KBTBD8: variants seen among roughly 807,000 people sequenced by gnomAD.
KBTBD8 encodes the protein kelch repeat and BTB domain-containing protein 8.
KBTBD8 carries 31 observed loss-of-function variants against 53.5 expected under a neutral mutation model. That is an observed-to-expected ratio of 0.58 (90% CI 0.44 to 0.78). The LOEUF is 0.78. Ranked by LOEUF, KBTBD8 falls within the 30% of genes least tolerant of loss-of-function variation. The pLI is 0.00. For missense variants in KBTBD8, 642 were observed against 735.8 expected, an observed-to-expected ratio of 0.87 and a Z score of 1.48; for synonymous variants, 250 against 247.3, an observed-to-expected ratio of 1.01 and a Z score of -0.10.
In KBTBD8 at chr3:67,005,702, G is replaced by T. The variant is rs184273018; in HGVS notation, c.1342+1393G>T. 9.4e-4 allele frequency among the ~76,000 whole-genome samples: 141 copies of T among 149,368 alleles called. 1 individual carries two copies. Among genetic ancestry groups the T allele is most frequent in the Middle Eastern group, 3.4e-3 (1 of 290 alleles). Reference sequence around the variant, plus strand: ...TTTCTCTTTTTTTTTTTGAGGCAGGGTCTCACTCTGTCACCCAGGCTGGAG... The same window carrying T: ...TTTCTCTTTTTTTTTTTGAGGCAGGTTCTCACTCTGTCACCCAGGCTGGAG... On this transcript the variant is annotated intron_variant, in intron 3 of 3. Coordinates refer to ENST00000417314, the MANE Select transcript of KBTBD8 (RefSeq NM_032505.3).
In KBTBD8 at chr3:67,003,890, A is replaced by C; in HGVS notation, c.923A>C (p.Asp308Ala). Reference protein sequence around the residue: ...SGKKQTVPCLDIVTGRVFKLC... With the variant: ...SGKKQTVPCLAIVTGRVFKLC... ...AAGAAGCAAACAGTGCCTTGTCTAG[A>C]TATAGTCACAGGAAGGGTGTTTAAA... Residue 308 changes from aspartate to alanine, a missense_variant, in exon 3 of 4, where the codon GAT becomes GCT. Physicochemically the swap from Asp to Ala is moderately radical, Grantham distance 126. Transcript: ENST00000417314. 1.2e-6 allele frequency: 2 copies of C among 1,614,192 alleles called. No homozygotes were observed. The highest frequency in any genetic ancestry group is 1.7e-6 in the Non-Finnish European group (2 of 1,180,044).
chr3:66,998,681 G>T (rs1701985592), intron 1 of KBTBD8, among the ~76,000 whole-genome samples: 1 of 152,166 alleles, frequency 6.6e-6, no homozygotes, highest in African/African-American at 2.4e-5. Context: ...GCTCTCGGCG[G>T]AGTCCGCGCA....
chr3:67,004,426 A>T (rs919252745), intron 3 of KBTBD8, 117 bp downstream of exon 3: 1 of 944,844 alleles, frequency 1.1e-6, no homozygotes, highest in Non-Finnish European at 1.6e-6. Flanking sequence ...CAGCTTCCTT[A>T]TCAAACTATT....
In KBTBD8 at chr3:67,007,958, A is replaced by G; in HGVS notation, c.1379A>G (p.Tyr460Cys). The change falls in exon 4 of 4, where the codon TAC becomes TGC. Residue 460 changes from tyrosine to cysteine, a missense_variant. Coordinates refer to ENST00000417314, the MANE Select transcript of KBTBD8 (RefSeq NM_032505.3). ...FFLFYEPQKD[Y>C]WGFLTPMTVP... ...CTCTTCTATGAGCCTCAAAAAGACT[A>G]CTGGGGTTTCTTAACCCCCATGACT... The G allele has an allele frequency of 1.2e-6, 2 of 1,600,310 alleles. No homozygotes were observed. Among genetic ancestry groups the G allele is most frequent in the Non-Finnish European group, 1.7e-6 (2 of 1,174,404 alleles).
Position 67,007,919 on chromosome 3 carries a change from TA to T in KBTBD8, c.1343-2del. Reference sequence around the variant, plus strand: ...ATTCTTGTTTTCTTTTTTTTTTTTTTAGGAGAATTTTTTCTCTTCTATGAGC... The same window carrying T: ...ATTCTTGTTTTCTTTTTTTTTTTTTTGGAGAATTTTTTCTCTTCTATGAGC... On this transcript the variant is annotated splice_acceptor_variant, in intron 3 of 3. Coordinates refer to ENST00000417314, the MANE Select transcript of KBTBD8 (RefSeq NM_032505.3). LOFTEE classifies it high-confidence loss of function. The T allele has an allele frequency of 1.4e-6, 2 of 1,457,520 alleles. No homozygotes were observed. Among genetic ancestry groups the T allele is most frequent in the Non-Finnish European group, 1.8e-6 (2 of 1,086,176 alleles). The allele number at this position is 1,457,520 out of a possible 1,614,324, so 90.3% of individuals were successfully genotyped here.
chr3:67,006,474 TCTTTA>T (rs1285993777), intron 3 of KBTBD8, among the ~76,000 whole-genome samples: 1 of 152,246 alleles, frequency 6.6e-6, no homozygotes, highest in Non-Finnish European at 1.5e-5. Context: ...TGGTGTGTCG[TCTTTA>T]CTTTCTTATC....
At chr3:67,002,512 C>CTTTTTTT (rs57174511) in intron 2 of KBTBD8, among the ~76,000 whole-genome samples, 51 of 90,338 alleles carry the variant, frequency 5.6e-4, no homozygotes, top group East Asian at 1.7e-3. Flanking sequence ...TATAGGTATT[C>CTTTTTTT]TTTTTTTTTT....
rs1222634854 is a variant in KBTBD8 at position 67,008,013 on chromosome 3, A to G, written c.1434A>G (p.Val478=). 3.1e-6 allele frequency: 5 copies of G among 1,613,444 alleles called. No individual in the cohort carries two copies. Among genetic ancestry groups the G allele is most frequent in the Non-Finnish European group, 4.2e-6 (5 of 1,179,790 alleles). The change falls in exon 4 of 4, where the codon GTA becomes GTG. Residue 478 remains valine, a synonymous_variant. Coordinates refer to ENST00000417314, the MANE Select transcript of KBTBD8 (RefSeq NM_032505.3). ...CTAGAATCCAGGGCTTAGCAGCTGT[A>G]TACAAGGACTCTATCTACTACATAG... ...TVPRIQGLAA[V]YKDSIYYIAG...
At chr3:67,007,735 T>C (rs928571833) in intron 3 of KBTBD8, among the ~76,000 whole-genome samples, 187 bp from the exon 4 acceptor site, 6 of 152,178 alleles carry the variant, frequency 3.9e-5, no homozygotes, top group African/African-American at 1.4e-4. Flanking sequence ...TGTCATGGAA[T>C]GACAAAGTTT....
intron 1 of KBTBD8, 98 bp downstream of exon 1, chr3:66,998,469 A>C: frequency 1.0e-6 from 1 of 960,548 alleles, no homozygotes; most frequent in Non-Finnish European, 1.4e-6. Flanking sequence ...AGCGGTGCGG[A>C]GCTAGAGGGA....
chr3:66,998,917 A>G, intron 1 of KBTBD8, 64 bp from the exon 2 acceptor site: 10 of 1,323,390 alleles, frequency 7.6e-6, no homozygotes, highest in Non-Finnish European at 1.1e-5. Context: ...CACAAACAGA[A>G]AAATCCCGCG....
intron 2 of KBTBD8, among the ~76,000 whole-genome samples, chr3:67,001,808 C>G (rs1702021178): frequency 6.6e-6 from 1 of 152,306 alleles, no homozygotes; most frequent in East Asian, 1.9e-4. Flanking sequence ...CAGTGTTTCT[C>G]ATACTGCATT....
In KBTBD8 at chr3:67,008,449, A is replaced by G; in HGVS notation, c.*64A>G. The G allele has an allele frequency of 8.8e-7, 1 of 1,137,492 alleles. No individual in the cohort carries two copies. The highest frequency in any genetic ancestry group is 2.2e-5 in the Admixed American group (1 of 45,642). 70.5% of individuals were successfully genotyped at this position (1,137,492 alleles called of 1,614,324 possible). ...CTTAGGAAACTTGTCTTTGATACAA[A>G]AGAGTGCTGACAGTATTTCAGAAAG... On this transcript the variant is annotated 3_prime_UTR_variant, in exon 4 of 4. Coordinates refer to ENST00000417314, the MANE Select transcript of KBTBD8 (RefSeq NM_032505.3).
At chr3:67,004,390 T>C in intron 3 of KBTBD8, 81 bp downstream of exon 3, 2 of 1,340,976 alleles carry the variant, frequency 1.5e-6, no homozygotes, top group South Asian at 2.7e-5. Flanking sequence ...GAAACAGTTG[T>C]GTTCCCGTTA....
chr3:66,999,124 GA>G lies in KBTBD8; in HGVS notation c.162del (p.Val55TrpfsTer39), dbSNP rs771756742. Reference sequence around the variant, plus strand: ...AGGACAGTTGACAGACATTGTAGTGGAAGTGGATCACGGGAAAACATTTTCC... The same window carrying G: ...AGGACAGTTGACAGACATTGTAGTGGAGTGGATCACGGGAAAACATTTTCC... The part of the protein sequence containing the change: ...DEGQLTDIVV[E>X]VDHGKTFSCH... On this transcript the variant is annotated frameshift_variant, in exon 2 of 4. Transcript: ENST00000417314. LOFTEE classifies it high-confidence loss of function. 1 of 1,614,204 alleles carries G rather than the reference GA, an allele frequency of 6.2e-7. No homozygotes were observed. Among genetic ancestry groups the G allele is most frequent in the South Asian group, 1.1e-5 (1 of 91,078 alleles).
chr3:67,005,147 C>T (rs1401362384), intron 3 of KBTBD8, among the ~76,000 whole-genome samples: 4 of 152,158 alleles, frequency 2.6e-5, no homozygotes, highest in East Asian at 1.9e-4. Context: ...TATTTGGTTT[C>T]TTACACATTT....
chr3:67,000,504 AGTT>A (rs1473410832), intron 2 of KBTBD8, among the ~76,000 whole-genome samples: 2 of 152,150 alleles, frequency 1.3e-5, no homozygotes, highest in African/African-American at 4.8e-5. Flanking sequence ...ATCTCTGCAT[AGTT>A]GTTGTTCCAT....
chr3:67,001,080 T>C (rs1702014981), intron 2 of KBTBD8, among the ~76,000 whole-genome samples: 1 of 152,168 alleles, frequency 6.6e-6, no homozygotes, highest in Non-Finnish European at 1.5e-5. Context: ...AATTCTTTAA[T>C]TTTGTTAAGT....
Position 67,004,188 on chromosome 3 carries a change from AC to A in KBTBD8, c.1222del (p.Leu408Ter). On this transcript the variant is annotated frameshift_variant, in exon 3 of 4. Coordinates refer to ENST00000417314, the MANE Select transcript of KBTBD8 (RefSeq NM_032505.3). LOFTEE classifies it high-confidence loss of function. ...RVYEGDGRNS[L>X]KSVECYDSRE... ...TTTATGAAGGTGATGGGAGAAACTC[AC>A]TAAAATCTGTTGAGTGCTACGACAG... is the stretch of plus-strand genomic sequence containing the variant. The A allele has an allele frequency of 6.2e-7, 1 of 1,614,230 alleles. No individual in the cohort carries two copies. Among genetic ancestry groups the A allele is most frequent in the Non-Finnish European group, 8.5e-7 (1 of 1,180,034 alleles).
Sources: gnomAD v4.1 joint callset for allele counts (sites outside exome capture counted in the v4.1 genomes callset) on GRCh38, gnomAD v4.1.1 for gene constraint, MANE v1.5 for transcripts, NCBI Gene and HGNC (gene_info 2026-07-23, HGNC 2026-07-21) for gene names.